The following PIGP variants were observed in gnomAD, a reference collection of about 807,000 sequenced individuals.
The protein encoded by PIGP is phosphatidylinositol N-acetylglucosaminyltransferase subunit P.
In PIGP, 12 loss-of-function variants were observed where a neutral mutation model predicts 16.9. The ratio of observed to expected loss-of-function variants is 0.71; its 90% CI spans 0.46 to 1.15. The LOEUF (loss-of-function observed/expected upper bound fraction) is 1.15. Among genes scored for constraint, PIGP ranks in the 50% most tolerant of loss-of-function variants. The pLI is 0.00. For missense variants in PIGP, 159 were observed against 153.5 expected (o/e 1.04, Z -0.19); for synonymous variants, 57 against 54.7 (o/e 1.04, Z -0.18).
chr21:37,067,132 A>G (rs980485584), intron 4 of PIGP, 130 bp downstream of exon 4: 1 of 640,124 alleles, frequency 1.6e-6, no homozygotes, highest in South Asian at 1.8e-5. Context: ...TCAGCCTCCC[A>G]AGTAGCTGGG....
intron 2 of PIGP, among the ~76,000 whole-genome samples, chr21:37,070,758 G>T (rs1036170344): frequency 2.0e-5 from 3 of 152,132 alleles, no homozygotes; most frequent in African/African-American, 7.2e-5. Context: ...TTTGGTTGTG[G>T]GTATGATGGA....
chr21:37,068,046 T>C (rs1429098222), intron 3 of PIGP, among the ~76,000 whole-genome samples: 2 of 151,588 alleles, frequency 1.3e-5, no homozygotes, highest in East Asian at 1.9e-4. Context: ...TTTCCCTCTG[T>C]CACCCAGGCT....
intron 4 of PIGP, among the ~76,000 whole-genome samples, chr21:37,066,231 C>G (rs2069901336): frequency 6.6e-6 from 1 of 152,140 alleles, no homozygotes; most frequent in African/African-American, 2.4e-5. Flanking sequence ...TTGCACATTT[C>G]TCACGGGAAC....
chr21:37,065,611 C>A lies in PIGP; in HGVS notation c.376G>T (p.Ala126Ser), dbSNP rs142431257. Reference sequence around the variant, plus strand: ...TTTTTGGTGTAAAGTTCTTTGGCTGCAAGAAAGAACATTTGGTTTACTTCA... The same window carrying A: ...TTTTTGGTGTAAAGTTCTTTGGCTGAAAGAAAGAACATTTGGTTTACTTCA... ...ISEVNQMFFLAAKELYTKN is the reference protein window; with the variant it reads ...ISEVNQMFFLSAKELYTKN The change falls in exon 5 of 5, where the codon GCA becomes TCA. Residue 126 changes from alanine (A) to serine (S), a missense_variant. Transcript: ENST00000360525. The A allele has an allele frequency of 1.9e-6, 3 of 1,613,004 alleles. No individual in the cohort carries two copies. Among genetic ancestry groups the A allele is most frequent in the Admixed American group, 3.3e-5 (2 of 59,860 alleles).
intron 2 of PIGP, among the ~76,000 whole-genome samples, chr21:37,071,688 C>G (rs2070046920): frequency 6.6e-6 from 1 of 152,150 alleles, no homozygotes; most frequent in Non-Finnish European, 1.5e-5. Flanking sequence ...AGTTGCAGAA[C>G]GTTGGATCAC....
intron 3 of PIGP, among the ~76,000 whole-genome samples, chr21:37,068,654 T>C (rs896322094): frequency 6.6e-6 from 1 of 152,172 alleles, no homozygotes; most frequent in Non-Finnish European, 1.5e-5. Context: ...ACTATGTGTA[T>C]GTGGGCAGGG....
At position 37,069,580 on chromosome 21, in the gene PIGP, A is replaced by T; in HGVS notation, c.127T>A (p.Ser43Thr). 1 of 1,568,176 alleles carries T rather than the reference A, an allele frequency of 6.4e-7. No homozygotes were observed. The highest frequency in any genetic ancestry group is 1.2e-5 in the South Asian group (1 of 85,398). Residue 43 changes from serine to threonine, a missense_variant, in exon 3 of 5, where the codon TCT (serine) becomes ACT (threonine). By Grantham distance (58) the Ser-to-Thr change is moderately conservative. Transcript: ENST00000360525. ...WAFIPESWLN[S>T]LGLTYWPQKY... is the part of the protein sequence containing the mutation. ...TGAGGCCAATAGGTTAAACCTAAAG[A>T]GTTTAGCCAAGATTCAGGAATAAAG...
intron 2 of PIGP, among the ~76,000 whole-genome samples, chr21:37,071,247 C>T (rs1305725722): frequency 6.6e-6 from 1 of 152,210 alleles, no homozygotes; most frequent in Non-Finnish European, 1.5e-5. Flanking sequence ...ATCCTCACAA[C>T]AGTCAGAAGA....
intron 2 of PIGP, among the ~76,000 whole-genome samples, chr21:37,071,803 C>T (rs558128499): frequency 1.6e-4 from 24 of 152,228 alleles, no homozygotes; most frequent in Admixed American, 7.8e-4. Context: ...TCTTAGTGAG[C>T]ATCAGTCTCC....
intron 3 of PIGP, 199 bp downstream of exon 3, chr21:37,069,353 A>C: frequency 2.8e-6 from 1 of 353,714 alleles, no homozygotes; most frequent in Admixed American, 4.5e-5. Flanking sequence ...AAATGGATGG[A>C]GATAAACATG....
chr21:37,065,515 G>A lies in PIGP; in HGVS notation c.*67C>T. 6.6e-7 allele frequency: 1 copy of A among 1,505,890 alleles called. No individual in the cohort carries two copies. Among genetic ancestry groups the A allele is most frequent in the Non-Finnish European group, 9.0e-7 (1 of 1,115,230 alleles). 93.3% of individuals were successfully genotyped at this position (1,505,890 alleles called of 1,614,324 possible). A position where few individuals can be genotyped will look rare whatever the true frequency, so the allele number is the denominator to read the frequency against. On this transcript the variant is annotated 3_prime_UTR_variant, in exon 5 of 5. Transcript: ENST00000360525. ...AGAGAGATGGTCAAATTAATTTATGGTCAAAATTATAATGGCAAAAACTTA... is the reference window on the plus strand; with the variant it reads ...AGAGAGATGGTCAAATTAATTTATGATCAAAATTATAATGGCAAAAACTTA...
chr21:37,072,659 G>T, intron 1 of PIGP, 122 bp from the exon 2 acceptor site: 1 of 1,544,208 alleles, frequency 6.5e-7, no homozygotes, highest in Non-Finnish European at 8.8e-7. Context: ...CCGCGCCTCC[G>T]TCCGCAACCC....
intron 4 of PIGP, among the ~76,000 whole-genome samples, chr21:37,066,995 T>TGTGC (rs1304641212): frequency 2.8e-4 from 42 of 150,970 alleles, no homozygotes; most frequent in Non-Finnish European, 3.5e-4. Flanking sequence ...TGTGTGTGTG[T>TGTGC]GTGTGTGTGT....
intron 2 of PIGP, among the ~76,000 whole-genome samples, chr21:37,069,966 G>A (rs965343968): frequency 6.6e-6 from 1 of 152,160 alleles, no homozygotes; most frequent in Non-Finnish European, 1.5e-5. Flanking sequence ...CCACAAGGTT[G>A]AAGTAATTAT....
At chr21:37,072,026 C>T in intron 2 of PIGP, 1 of 750,634 alleles carries the variant, frequency 1.3e-6, no homozygotes, top group South Asian at 1.4e-5. Context: ...CTTTCCTAAT[C>T]AGCATCAGTG....
At chr21:37,071,892 C>T (rs1308520331) in intron 2 of PIGP, among the ~76,000 whole-genome samples, 2 of 152,232 alleles carry the variant, frequency 1.3e-5, no homozygotes, top group African/African-American at 4.8e-5. Context: ...AACCCGACTT[C>T]TCTGGCCTAC....
intron 2 of PIGP, among the ~76,000 whole-genome samples, chr21:37,070,466 C>T (rs556623657): frequency 2.1e-3 from 316 of 152,320 alleles, no homozygotes; most frequent in Non-Finnish European, 3.6e-3. Context: ...ATTTTCACTA[C>T]ATTGTTACAA....
chr21:37,069,403 A>G (rs2069961098), intron 3 of PIGP, 149 bp downstream of exon 3: 3 of 487,494 alleles, frequency 6.2e-6, no homozygotes, highest in Non-Finnish European at 1.1e-5. Context: ...ATGTATCAAT[A>G]GCGATCTTTA....
At chr21:37,072,004 C>T in intron 2 of PIGP, 1 of 695,686 alleles carries the variant, frequency 1.4e-6, no homozygotes, top group Non-Finnish European at 2.6e-6. Flanking sequence ...CACTTCTTCC[C>T]TCCCTCTTAC....
Sources: gnomAD v4.1 joint callset for allele counts (sites outside exome capture counted in the v4.1 genomes callset) on GRCh38, gnomAD v4.1.1 for gene constraint, MANE v1.5 for transcripts, NCBI Gene and HGNC (gene_info 2026-07-23, HGNC 2026-07-21) for gene names.